CALN1: variants seen among roughly 807,000 people sequenced by gnomAD.
The protein encoded by CALN1 is calcium-binding protein 8.
A neutral mutation model predicts 30.6 loss-of-function variants in CALN1; 17 were observed. That is an observed-to-expected ratio of 0.56 (90% confidence interval 0.38 to 0.83). The LOEUF (loss-of-function observed/expected upper bound fraction) is 0.83, where lower values mean the gene tolerates loss of function less well. Among genes scored for constraint, CALN1 ranks in the 40% least tolerant of loss-of-function variants. The probability of loss-of-function intolerance (pLI) is 0.00; values close to 1 mark genes in which losing one functional copy is unlikely to be tolerated. For missense variants in CALN1, 291 were observed against 354.9 expected (o/e 0.82, Z 1.45); for synonymous variants, 156 against 131.4 (o/e 1.19, Z -1.28).
chr7:72,210,894 A>G (rs997525302), intron 3 of CALN1, among the ~76,000 whole-genome samples: 2 of 151,764 alleles, frequency 1.3e-5, no homozygotes, highest in African/African-American at 4.8e-5. Flanking sequence ...CCAGAAAAAA[A>G]TTAAAAAAAA....
At chr7:72,437,359 A>G (rs753234108) in intron 1 of CALN1, among the ~76,000 whole-genome samples, 1 of 152,166 alleles carries the variant, frequency 6.6e-6, no homozygotes, top group Non-Finnish European at 1.5e-5. Flanking sequence ...TGGCTGAAAT[A>G]AAGTTGACAG....
At chr7:71,910,839 T>A (rs1433609173) in intron 5 of CALN1, among the ~76,000 whole-genome samples, 1 of 152,170 alleles carries the variant, frequency 6.6e-6, no homozygotes, top group Non-Finnish European at 1.5e-5. Context: ...ACCCTCCCAA[T>A]GTATTGCTTT....
intron 3 of CALN1, among the ~76,000 whole-genome samples, chr7:72,107,414 C>G (rs1807252708): frequency 6.6e-6 from 1 of 152,196 alleles, no homozygotes; most frequent in Non-Finnish European, 1.5e-5. Flanking sequence ...CGTGAAAACT[C>G]AAAAGATGCC....
In CALN1 at chr7:72,345,146, A is replaced by G. The variant is rs139214070; in HGVS notation, c.119+58105T>C. The stretch of plus-strand genomic sequence containing the variant: ...TAATATATGTATTAGATACTATTAT[A>G]CAATGCCAAAAGAAAAGAACATCTT... On this transcript the variant is annotated intron_variant, in intron 2 of 6. Coordinates refer to ENST00000395275, the MANE Select transcript of CALN1 (RefSeq NM_031468.4). Among the ~76,000 whole-genome samples, 891 of 150,112 alleles carry G rather than the reference A, an allele frequency of 5.9e-3. 20 individuals are homozygous for G. Among genetic ancestry groups the G allele is most frequent in the Admixed American group, 0.049 (733 of 15,022 alleles).
intron 4 of CALN1, among the ~76,000 whole-genome samples, chr7:72,043,861 T>C (rs1469155281): frequency 6.6e-6 from 1 of 152,200 alleles, no homozygotes; most frequent in African/African-American, 2.4e-5. Context: ...GGACTTACAG[T>C]TCCACATGGC....
intron 3 of CALN1, among the ~76,000 whole-genome samples, chr7:72,139,344 C>A (rs1809725687): frequency 1.3e-5 from 2 of 151,040 alleles, no homozygotes; most frequent in Non-Finnish European, 3.0e-5. Context: ...CCTCTTCTGC[C>A]CACCTCCACC....
chr7:72,298,768 T>C (rs1029008069), intron 2 of CALN1, among the ~76,000 whole-genome samples: 2 of 149,854 alleles, frequency 1.3e-5, no homozygotes, highest in African/African-American at 4.9e-5. Context: ...ACTGTTCTTG[T>C]GATAGTGACT....
At chr7:72,003,265 T>C (rs891001511) in intron 5 of CALN1, among the ~76,000 whole-genome samples, 3 of 152,226 alleles carry the variant, frequency 2.0e-5, no homozygotes, top group Admixed American at 2.0e-4. Flanking sequence ...TACTTAGGTA[T>C]ACCCTTGTCA....
chr7:71,859,254 G>C (rs936761443), intron 5 of CALN1, among the ~76,000 whole-genome samples: 41 of 152,040 alleles, frequency 2.7e-4, no homozygotes, highest in African/African-American at 9.9e-4. Context: ...GTAGAGACAG[G>C]GTTTCATCAT....
chr7:71,930,850 G>A (rs1393790541), intron 5 of CALN1, among the ~76,000 whole-genome samples: 2 of 152,112 alleles, frequency 1.3e-5, no homozygotes, highest in Non-Finnish European at 2.9e-5. Context: ...TCTTTAAAAT[G>A]CTTAATTGCT....
chr7:72,498,608 C>G, the CALN1 span, among the ~76,000 whole-genome samples: 3 of 151,938 alleles, frequency 2.0e-5, no homozygotes, highest in Non-Finnish European at 2.9e-5. Flanking sequence ...GCAAAGAAAA[C>G]AAGACATTTT....
chr7:72,136,136 A>AAAATAAATAAATAAATAAATAAATAAAT lies in CALN1; in HGVS notation c.245-29870_245-29843dup, dbSNP rs138109942. Among the ~76,000 whole-genome samples the AAAATAAATAAATAAATAAATAAATAAAT allele has an allele frequency of 7.4e-4, 104 of 140,856 alleles. 1 individual carries two copies. Among genetic ancestry groups the AAAATAAATAAATAAATAAATAAATAAAT allele is most frequent in the African/African-American group, 1.6e-3 (61 of 37,184 alleles). 92.4% of individuals were successfully genotyped at this position (140,856 alleles called of 152,430 possible). On this transcript the variant is annotated intron_variant, in intron 3 of 6. Coordinates refer to ENST00000395275, the MANE Select transcript of CALN1 (RefSeq NM_031468.4). ...GGCAACAGAAAAAGACTCTGTCTCAAAAATAAATAAATAAATAAATAAATA... is the reference window on the plus strand; with the variant it reads ...GGCAACAGAAAAAGACTCTGTCTCAAAAATAAATAAATAAATAAATAAATAAATAAATAAATAAATAAATAAATAAATA...
At chr7:71,932,452 C>T (rs529208640) in intron 5 of CALN1, among the ~76,000 whole-genome samples, 1 of 152,220 alleles carries the variant, frequency 6.6e-6, no homozygotes, top group East Asian at 1.9e-4. Context: ...CAAGCATGAG[C>T]TATCGTGCCT....
At chr7:71,901,826 C>G (rs955774841) in intron 5 of CALN1, among the ~76,000 whole-genome samples, 3 of 151,970 alleles carry the variant, frequency 2.0e-5, no homozygotes, top group African/African-American at 7.3e-5. Context: ...AGAAGAAAAC[C>G]TTCAAAAACC....
intron 2 of CALN1, among the ~76,000 whole-genome samples, chr7:72,316,845 T>C (rs1800485898): frequency 6.6e-6 from 1 of 151,812 alleles, no homozygotes; most frequent in African/African-American, 2.4e-5. Context: ...TTCTGGAGGC[T>C]GAGGCAGGAG....
intron 1 of CALN1, among the ~76,000 whole-genome samples, chr7:72,445,428 A>G (rs140100016): frequency 6.6e-6 from 1 of 152,170 alleles, no homozygotes; most frequent in East Asian, 1.9e-4. Flanking sequence ...TGAGAGCACG[A>G]CCTTTAAAAA....
At chr7:72,294,072 T>C (rs1349835088) in intron 2 of CALN1, among the ~76,000 whole-genome samples, 1 of 152,042 alleles carries the variant, frequency 6.6e-6, no homozygotes, top group Non-Finnish European at 1.5e-5. Flanking sequence ...CACTCCAGCC[T>C]GGGCGACAGA....
chr7:72,426,043 G>A (rs1344046711), intron 1 of CALN1, among the ~76,000 whole-genome samples: 2 of 152,224 alleles, frequency 1.3e-5, no homozygotes, highest in Admixed American at 6.5e-5. Flanking sequence ...CTCTGATGGG[G>A]TGTGCTGGCA....
chr7:71,805,719 G>A (rs1787566998), intron 6 of CALN1, among the ~76,000 whole-genome samples: 1 of 152,054 alleles, frequency 6.6e-6, no homozygotes, highest in South Asian at 2.1e-4. Flanking sequence ...GAATCACATA[G>A]ACCCTATTAT....
Sources: gnomAD v4.1 joint callset for allele counts (sites outside exome capture counted in the v4.1 genomes callset) on GRCh38, gnomAD v4.1.1 for gene constraint, MANE v1.5 for transcripts, NCBI Gene and HGNC (gene_info 2026-07-23, HGNC 2026-07-21) for gene names.